Variants in ADH1A observed in about 807,000 individuals in gnomAD.
The protein encoded by ADH1A is alcohol dehydrogenase 1A (class I), alpha polypeptide, also known as alcohol dehydrogenase 1A.
In ADH1A, 29 loss-of-function variants were observed where a neutral mutation model predicts 35.2. The ratio of observed to expected loss-of-function variants is 0.82; its 90% CI spans 0.61 to 1.12. The LOEUF (loss-of-function observed/expected upper bound fraction) is 1.12, where lower values mean the gene tolerates loss of function less well. Ranked by LOEUF, ADH1A falls within the 50% of genes most tolerant of loss-of-function variation. The pLI, the probability that ADH1A is intolerant of heterozygous loss-of-function variation, is 0.00. For synonymous variants in ADH1A, 147 were observed against 164.8 expected, an observed-to-expected ratio of 0.89 and a Z score of 0.83; for missense variants, 469 against 464.7, an observed-to-expected ratio of 1.01 and a Z score of -0.09.
Position 99,286,833 on chromosome 4 carries a change from G to C in ADH1A, c.259+17C>G. On this transcript the variant is annotated intron_variant, in intron 3 of 8. Transcript: ENST00000209668. ...AGGATGGTGAACCATCATGTTTCCT[G>C]AATGTGAATCCTGTACCTGGTTTGA... 6.2e-7 allele frequency: 1 copy of C among 1,612,510 alleles called. No homozygotes were observed.
intron 8 of ADH1A, 64 bp downstream of exon 8, chr4:99,279,362 T>C: frequency 6.6e-7 from 1 of 1,521,696 alleles, no homozygotes; most frequent in South Asian, 1.4e-5. Context: ...CCTTTTCATT[T>C]TCTGCTAGAC....
chr4:99,284,707 G>A lies in ADH1A; in HGVS notation c.347+9C>T, dbSNP rs755722720. 8.1e-6 allele frequency: 13 copies of A among 1,613,960 alleles called. No homozygotes were observed. Among genetic ancestry groups the A allele is most frequent in the Non-Finnish European group, 1.1e-5 (13 of 1,179,924 alleles). ...CAATGTCTGCGCAGGGAGAGCATCAGAAACCTACTCGTTTTTCAAGCAGTA... is the reference window on the plus strand; with the variant it reads ...CAATGTCTGCGCAGGGAGAGCATCAAAAACCTACTCGTTTTTCAAGCAGTA... On this transcript the variant is annotated intron_variant, in intron 4 of 8. Transcript: ENST00000209668.
intron 3 of ADH1A, among the ~76,000 whole-genome samples, chr4:99,285,969 C>G (rs1309500965): frequency 7.3e-6 from 1 of 137,128 alleles, no homozygotes; most frequent in South Asian, 2.2e-4. Context: ...TTGCAGTGAG[C>G]TGAGATCGCG....
chr4:99,281,688 A>T (rs1733005166), intron 6 of ADH1A: 1 of 156,506 alleles, frequency 6.4e-6, no homozygotes, highest in East Asian at 1.9e-4. Flanking sequence ...TGTCTCATGC[A>T]ATCTATAAAC....
In ADH1A at chr4:99,284,597, G is replaced by T; in HGVS notation, c.369C>A (p.Thr123=). 2 of 1,614,196 alleles carry T rather than the reference G, an allele frequency of 1.2e-6. No homozygotes were observed. The highest frequency in any genetic ancestry group is 1.7e-6 in the Non-Finnish European group (2 of 1,180,032). The change falls in exon 5 of 9, where the codon ACC becomes ACA. Residue 123 remains threonine, a synonymous_variant. Transcript: ENST00000209668. ...TGAACCTGCTGGTGCCATCCTGCAG[G>T]GTCCCCTGAGGATTGCTTACACTGG... ...LKNDVSNPQG[T]LQDGTSRFTC...
chr4:99,277,986 G>C (rs910649873), intron 8 of ADH1A, among the ~76,000 whole-genome samples: 1 of 152,038 alleles, frequency 6.6e-6, no homozygotes, highest in Non-Finnish European at 1.5e-5. Context: ...CCAAAAGGAT[G>C]TATCAATTAC....
rs144352534 is a variant in ADH1A, at chr4:99,284,363, C to T, written c.567+36G>A. The T allele has an allele frequency of 5.6e-4, 902 of 1,600,674 alleles. 8 individuals are homozygous for T. Among genetic ancestry groups the T allele is most frequent in the Non-Finnish European group, 8.9e-5 (104 of 1,167,780 alleles). ...TTCCCTTTGGGTTCCTGACAGTCTG[C>T]GTGTAACTGTTTTTATCACCCATTG... On this transcript the variant is annotated intron_variant, in intron 5 of 8. Coordinates refer to ENST00000209668, the MANE Select transcript of ADH1A (RefSeq NM_000667.4).
Position 99,279,506 on chromosome 4 carries a change from A to G in ADH1A, c.1023T>C (p.Phe341=). The part of the protein sequence containing the change: ...KLVADFMAKK[F]SLDALITHVL... ...CATGGGTTATTAATGCATCCAATGA[A>G]AACTTCTTAGCCATAAAATCAGCCA... The change falls in exon 8 of 9, where the codon TTT becomes TTC. Residue 341 remains phenylalanine (F), a synonymous_variant. Transcript: ENST00000209668. 6.2e-7 allele frequency: 1 copy of G among 1,612,220 alleles called. No individual in the cohort carries two copies. Among genetic ancestry groups the G allele is most frequent in the Non-Finnish European group, 8.5e-7 (1 of 1,179,292 alleles).
At chr4:99,278,201 C>G (rs1732913589) in intron 8 of ADH1A, among the ~76,000 whole-genome samples, 1 of 152,080 alleles carries the variant, frequency 6.6e-6, no homozygotes, top group African/African-American at 2.4e-5. Flanking sequence ...TATTTGCCAT[C>G]ATCTTTTCAA....
At chr4:99,285,522 T>A (rs1733127188) in intron 3 of ADH1A, among the ~76,000 whole-genome samples, 1 of 152,070 alleles carries the variant, frequency 6.6e-6, no homozygotes, top group South Asian at 2.1e-4. Context: ...AAAGTAAGGG[T>A]GTCATTTTGT....
chr4:99,282,143 A>G, intron 6 of ADH1A: 1 of 951,316 alleles, frequency 1.1e-6, no homozygotes, highest in Non-Finnish European at 1.5e-6. Context: ...TAGAGGAAAT[A>G]TGACTTGAGA....
intron 3 of ADH1A, 128 bp downstream of exon 3, chr4:99,286,722 C>A: frequency 6.8e-7 from 1 of 1,470,760 alleles, no homozygotes; most frequent in Non-Finnish European, 9.2e-7. Flanking sequence ...AAGAGGAAAT[C>A]CCTGAAGTCC....
rs1732871328 is a variant in ADH1A, at chr4:99,276,500, C to T, written c.*124G>A. On this transcript the variant is annotated 3_prime_UTR_variant, in exon 9 of 9. Coordinates refer to ENST00000209668, the MANE Select transcript of ADH1A (RefSeq NM_000667.4). ...CAATTTCCATTTCTTTGGAAAGCCC[C>T]CAAATGTAATTTATTGATAAAATCT... 7 of 886,462 alleles carry T rather than the reference C, an allele frequency of 7.9e-6. No homozygotes were observed. Among genetic ancestry groups the T allele is most frequent in the African/African-American group, 3.4e-5 (2 of 58,534 alleles). The allele number at this position is 886,462 out of a possible 1,614,324, so 54.9% of individuals were successfully genotyped here.
rs1310020525 is a variant in ADH1A, at chr4:99,280,144, C to T, written c.964G>A (p.Gly322Ser). The T allele has an allele frequency of 6.2e-7, 1 of 1,613,656 alleles. No homozygotes were observed. Among genetic ancestry groups the T allele is most frequent in the Non-Finnish European group, 8.5e-7 (1 of 1,179,804 alleles). ...TTGGCTCTGAAGCCTAACTACATACCACCAAGAATAGCTCCCTTCCAGGTA... is the reference window on the plus strand; with the variant it reads ...TTGGCTCTGAAGCCTAACTACATACTACCAAGAATAGCTCCCTTCCAGGTA... ...GRTWKGAILG[G>S]FKSKECVPKL... The change falls in exon 7 of 9, where the codon GGC (glycine) becomes AGC (serine). Residue 322 changes from glycine (G) to serine (S), a missense_variant and splice_region_variant. Gly to Ser is a moderately conservative substitution (Grantham distance 56). Coordinates refer to ENST00000209668, the MANE Select transcript of ADH1A (RefSeq NM_000667.4).
At chr4:99,285,525 C>A (rs948459858) in intron 3 of ADH1A, among the ~76,000 whole-genome samples, 3 of 151,884 alleles carry the variant, frequency 2.0e-5, no homozygotes, top group Non-Finnish European at 4.4e-5. Flanking sequence ...GTAAGGGTGT[C>A]ATTTTGTTAT....
Position 99,286,962 on chromosome 4 carries a change from T to C in ADH1A, c.147A>G (p.Thr49=). 1 of 1,614,204 alleles carries C rather than the reference T, an allele frequency of 6.2e-7. No homozygotes were observed. The highest frequency in any genetic ancestry group is 8.5e-7 in the Non-Finnish European group (1 of 1,180,014). The change falls in exon 3 of 9, where the codon ACA becomes ACG. Residue 49 remains threonine (T), a synonymous_variant. Transcript: ENST00000209668. ...IKMVAVGICG[T]DDHVVSGTMV... is the part of the protein sequence containing the mutation. ...TGGTACCACTAACCACGTGGTCATC[T>C]GTGCCACAGATTCCTACAGCCACCA...
chr4:99,284,060 C>T (rs563495677), intron 5 of ADH1A, among the ~76,000 whole-genome samples: 2 of 152,246 alleles, frequency 1.3e-5, no homozygotes, highest in African/African-American at 2.4e-5. Flanking sequence ...CTAGCAGAAC[C>T]TATGGTGCCT....
At chr4:99,286,021 CAAA>C (rs397938892) in intron 3 of ADH1A, among the ~76,000 whole-genome samples, 2 of 85,278 alleles carry the variant, frequency 2.3e-5, no homozygotes, top group Non-Finnish European at 2.2e-5. Flanking sequence ...GACTCCGTCT[CAAA>C]AAAAAAAAAA....
chr4:99,280,296 A>G lies in ADH1A; in HGVS notation c.829-17T>C. Reference sequence around the variant, plus strand: ...GGAAGCCATCTGGAATAAAGTGAACACTTAGCATTCTTAACATGGAGTCGC... The same window carrying G: ...GGAAGCCATCTGGAATAAAGTGAACGCTTAGCATTCTTAACATGGAGTCGC... On this transcript the variant is annotated splice_polypyrimidine_tract_variant and intron_variant, in intron 6 of 8. Transcript: ENST00000209668. The G allele has an allele frequency of 1.2e-6, 2 of 1,612,666 alleles. No homozygotes were observed. The highest frequency in any genetic ancestry group is 8.5e-7 in the Non-Finnish European group (1 of 1,179,758).
Sources: allele counts gnomAD v4.1 joint callset (sites outside exome capture counted in the v4.1 genomes callset), GRCh38; gene constraint gnomAD v4.1.1; transcripts MANE v1.5; gene names NCBI Gene and HGNC (gene_info 2026-07-23, HGNC 2026-07-21).